The following POLA1 variants were observed in gnomAD, a reference collection of about 807,000 sequenced individuals.
POLA1 encodes the protein DNA polymerase alpha catalytic subunit.
In POLA1, 15 loss-of-function variants were observed where a neutral mutation model predicts 124.0. That is an observed-to-expected ratio of 0.12 (90% CI 0.08 to 0.19). The LOEUF is 0.19. Among genes scored for constraint, POLA1 ranks in the 10% least tolerant of loss-of-function variants. POLA1 has a pLI of 1.00. For missense variants in POLA1, 886 were observed against 1,103.4 expected (o/e 0.80, Z 2.79); for synonymous variants, 408 against 389.4 (o/e 1.05, Z -0.56).
intron 32 of POLA1, among the ~76,000 whole-genome samples, chrX:24,839,924 G>A (rs1432314379): frequency 8.9e-6 from 1 of 111,909 alleles, no homozygotes; most frequent in Non-Finnish European, 1.9e-5. Flanking sequence ...TCATTCAGCG[G>A]TGTGGTCTCT....
intron 10 of POLA1, among the ~76,000 whole-genome samples, chrX:24,720,750 T>G (rs1056486008): frequency 6.2e-5 from 7 of 112,681 alleles, no homozygotes; most frequent in Non-Finnish European, 1.3e-4. Flanking sequence ...GCTGATACTC[T>G]TAGTAAACAG....
At position 24,717,590 on chromosome X, in the gene POLA1, C is replaced by G. The variant is rs758251012; in HGVS notation, c.919C>G (p.Leu307Val). ...KGTVSYLGSF[L>V]PDVSCWDIDQ... is the part of the protein sequence containing the mutation. The stretch of plus-strand genomic sequence containing the variant: ...ATGTGATTTCTGCAGAGGAAGTTTT[C>G]TCCCGGATGTCTCTTGTTGGGACAT... The change falls in exon 10 of 37, where the codon CTC (leucine) becomes GTC (valine). Residue 307 changes from leucine to valine, a missense_variant. Transcript: ENST00000379068. 10 of 1,208,772 alleles carry G rather than the reference C, an allele frequency of 8.3e-6. No individual in the cohort carries two copies. The highest frequency in any genetic ancestry group is 1.1e-5 in the Non-Finnish European group (10 of 893,427).
At chrX:24,912,487 A>G (rs919910192) in intron 35 of POLA1, among the ~76,000 whole-genome samples, 3 of 112,158 alleles carry the variant, frequency 2.7e-5, no homozygotes, top group African/African-American at 9.7e-5. Context: ...TGTATCCAGT[A>G]TATATAAAGA....
At chrX:24,953,405 A>G (rs925245944) in intron 36 of POLA1, among the ~76,000 whole-genome samples, 1 of 112,233 alleles carries the variant, frequency 8.9e-6, no homozygotes, top group African/African-American at 3.2e-5. Context: ...CATTTCAGAT[A>G]GTAACAACCC....
At chrX:24,951,412 C>CA (rs200378412) in intron 36 of POLA1, among the ~76,000 whole-genome samples, 3,091 of 91,580 alleles carry the variant, frequency 0.034, 105 homozygotes, top group African/African-American at 0.11. Context: ...CAAGCTTAAC[C>CA]ATCACCTTCT....
At chrX:24,906,573 T>A (rs2047369354) in intron 35 of POLA1, among the ~76,000 whole-genome samples, 1 of 110,489 alleles carries the variant, frequency 9.1e-6, no homozygotes, top group Non-Finnish European at 1.9e-5. Context: ...TTGGGTACAG[T>A]ATACAATGCT....
chrX:24,868,958 G>T (rs2046830185), intron 34 of POLA1, among the ~76,000 whole-genome samples: 1 of 111,893 alleles, frequency 8.9e-6, no homozygotes, highest in Non-Finnish European at 1.9e-5. Context: ...TCTTTTTAAG[G>T]CAGGTCTCAC....
At chrX:24,849,618 T>C (rs906748931) in intron 34 of POLA1, among the ~76,000 whole-genome samples, 19 of 100,061 alleles carry the variant, frequency 1.9e-4, no homozygotes, top group African/African-American at 3.0e-4. Context: ...CATACTACCA[T>C]GCCCAGCTAA....
intron 28 of POLA1, among the ~76,000 whole-genome samples, chrX:24,811,462 G>T (rs1316635475): frequency 1.8e-5 from 2 of 109,141 alleles, no homozygotes; most frequent in Non-Finnish European, 3.8e-5. Flanking sequence ...CCTAATTTTT[G>T]TATTTTTGGT....
intron 34 of POLA1, among the ~76,000 whole-genome samples, chrX:24,846,617 C>T (rs987030106): frequency 9.0e-6 from 1 of 111,329 alleles, no homozygotes; most frequent in Non-Finnish European, 1.9e-5. Context: ...ATATGTGTTC[C>T]CCCTCCCCTT....
chrX:24,716,845 T>A (rs1006625948), intron 7 of POLA1, 39 bp from the exon 8 acceptor site: 1 of 848,060 alleles, frequency 1.2e-6, no homozygotes, highest in Non-Finnish European at 1.7e-6. Flanking sequence ...ATTTTTAGTA[T>A]GTAGGTCTAA....
At chrX:24,806,654 C>T (rs1293232279) in intron 26 of POLA1, among the ~76,000 whole-genome samples, 1 of 111,498 alleles carries the variant, frequency 9.0e-6, no homozygotes, top group African/African-American at 3.3e-5. Flanking sequence ...GGTACAACCT[C>T]TATAGAGAGC....
intron 32 of POLA1, among the ~76,000 whole-genome samples, chrX:24,839,854 G>A (rs889293029): frequency 9.8e-5 from 11 of 111,984 alleles, no homozygotes; most frequent in African/African-American, 3.6e-4. Context: ...TGAATACTTG[G>A]ATTCACAACT....
chrX:24,809,826 C>T (rs894481750), intron 26 of POLA1, 72 bp from the exon 27 acceptor site: 9 of 601,270 alleles, frequency 1.5e-5, no homozygotes, highest in Non-Finnish European at 1.8e-5. Context: ...TGAAAGTTAC[C>T]TATCTCTATG....
At chrX:24,880,829 A>C (rs2046992393) in intron 34 of POLA1, among the ~76,000 whole-genome samples, 1 of 111,646 alleles carries the variant, frequency 9.0e-6, no homozygotes, top group African/African-American at 3.3e-5. Flanking sequence ...AGAGAGTCTG[A>C]TGTTCTCAGA....
At chrX:24,824,087 C>T (rs902227289) in intron 31 of POLA1, among the ~76,000 whole-genome samples, 4 of 111,783 alleles carry the variant, frequency 3.6e-5, no homozygotes, top group African/African-American at 1.3e-4. Context: ...TTCCTACTAA[C>T]GATGACTACC....
chrX:24,792,015 GAT>G (rs2066435825), intron 26 of POLA1, among the ~76,000 whole-genome samples: 3 of 112,173 alleles, frequency 2.7e-5, no homozygotes, highest in Non-Finnish European at 3.8e-5. Flanking sequence ...ACTTGGGTGA[GAT>G]ATGTGAAATA....
intron 35 of POLA1, among the ~76,000 whole-genome samples, chrX:24,896,367 C>CA (rs755820476): frequency 8.4e-4 from 94 of 112,360 alleles, no homozygotes; most frequent in Non-Finnish European, 1.4e-3. Context: ...CCATGGGCTG[C>CA]ATGTGGCCCA....
chrX:24,715,574 G>GT lies in POLA1; in HGVS notation c.525+372dup, dbSNP rs775803300. Among the ~76,000 whole-genome samples, 8 of 112,321 alleles carry GT rather than the reference G, an allele frequency of 7.1e-5. No individual in the cohort carries two copies. The East Asian group carries it at 2.0e-3, about 27-fold the overall frequency. ...CTCCCAAAGTGCTGGGATTACAGGCGTGAGCCACTGTGCCCGGCCTGTTGA... is the reference window on the plus strand; with the variant it reads ...CTCCCAAAGTGCTGGGATTACAGGCGTTGAGCCACTGTGCCCGGCCTGTTGA... On this transcript the variant is annotated intron_variant, in intron 6 of 36. Transcript: ENST00000379068.
Sources: allele counts gnomAD v4.1 joint callset (sites outside exome capture counted in the v4.1 genomes callset), GRCh38; gene constraint gnomAD v4.1.1; transcripts MANE v1.5; gene names NCBI Gene and HGNC (gene_info 2026-07-23, HGNC 2026-07-21).